CLYBL: variants seen among roughly 807,000 people sequenced by gnomAD.
CLYBL encodes the protein citramalyl-CoA lyase, mitochondrial.
A neutral mutation model predicts 38.9 loss-of-function variants in CLYBL; 31 were observed. The observed-to-expected ratio is 0.80, with a 90% CI of 0.60 to 1.08. The LOEUF (loss-of-function observed/expected upper bound fraction) is 1.08, where lower values mean the gene tolerates loss of function less well. Among genes scored for constraint, CLYBL ranks in the 50% least tolerant of loss-of-function variants. CLYBL has a pLI of 0.00. For missense variants in CLYBL, 434 were observed against 411.6 expected (o/e 1.05, Z -0.47); for synonymous variants, 171 against 158.6 (o/e 1.08, Z -0.59).
chr13:99,678,260 G>C lies in CLYBL; in HGVS notation c.62+71503G>C, dbSNP rs1196338152. Among the ~76,000 whole-genome samples, 4 of 152,280 alleles carry C rather than the reference G, an allele frequency of 2.6e-5. 1 individual carries two copies. Among genetic ancestry groups the C allele is most frequent in the Admixed American group, 2.6e-4 (4 of 15,298 alleles). ...GCACTGCGGCAGAGTTGTGTTACAG[G>C]GTGTTATTTACAGCTGCCAAATGCT... is the stretch of plus-strand genomic sequence containing the variant. On this transcript the variant is annotated intron_variant, in intron 1 of 8. Coordinates refer to ENST00000339105, the MANE Select transcript of CLYBL (RefSeq NM_206808.5).
At chr13:99,659,986 A>T (rs922261142) in intron 1 of CLYBL, among the ~76,000 whole-genome samples, 1 of 152,158 alleles carries the variant, frequency 6.6e-6, no homozygotes, top group East Asian at 1.9e-4. Context: ...ACGCATTTTT[A>T]AAAAAACTTC....
chr13:99,657,695 AT>A (rs2047348627), intron 1 of CLYBL, among the ~76,000 whole-genome samples: 1 of 151,904 alleles, frequency 6.6e-6, no homozygotes, highest in African/African-American at 2.4e-5. Flanking sequence ...TTGATTCTGA[AT>A]TTTTTTTCTT....
intron 1 of CLYBL, among the ~76,000 whole-genome samples, chr13:99,667,377 T>C (rs1384707161): frequency 6.6e-6 from 1 of 150,452 alleles, no homozygotes; most frequent in Non-Finnish European, 1.5e-5. Context: ...CCCACCCACA[T>C]ACACATAGGG....
At position 99,891,358 on chromosome 13, in the gene CLYBL, T is replaced by C. The variant is rs1309087120; in HGVS notation, c.968T>C (p.Leu323Ser). Residue 323 changes from leucine (L) to serine (S), a missense_variant, in exon 8 of 9, where the codon TTA becomes TCA. By Grantham distance (145) the Leu-to-Ser change is moderately radical. Coordinates refer to ENST00000339105, the MANE Select transcript of CLYBL (RefSeq NM_206808.5). ...TFQGSMIDMP[L>S]LKQAQNTVTL... Reference sequence around the variant, plus strand: ...CAAGGGAGTATGATCGACATGCCATTACTGAAGCAGGCCCAGAACACTGTT... The same window carrying C: ...CAAGGGAGTATGATCGACATGCCATCACTGAAGCAGGCCCAGAACACTGTT... The C allele has an allele frequency of 5.0e-6, 8 of 1,613,978 alleles. No homozygotes were observed. Among genetic ancestry groups the C allele is most frequent in the Non-Finnish European group, 5.1e-6 (6 of 1,179,886 alleles).
At chr13:99,658,426 TCCAGGAGGGA>T (rs1323240625) in intron 1 of CLYBL, among the ~76,000 whole-genome samples, 1 of 152,194 alleles carries the variant, frequency 6.6e-6, no homozygotes, top group African/African-American at 2.4e-5. Context: ...GCCTCCCACT[TCCAGGAGGGA>T]CCAGGAGGGA....
chr13:99,783,179 A>T (rs1240537172), intron 2 of CLYBL, among the ~76,000 whole-genome samples: 1 of 151,508 alleles, frequency 6.6e-6, no homozygotes, highest in South Asian at 2.1e-4. Flanking sequence ...AGTAGCTGGG[A>T]TTATAAGCAT....
At chr13:99,674,903 G>C (rs978086484) in intron 1 of CLYBL, among the ~76,000 whole-genome samples, 13 of 152,174 alleles carry the variant, frequency 8.5e-5, no homozygotes, top group Non-Finnish European at 1.9e-4. Flanking sequence ...ATGCAATGGT[G>C]CTTGTCTATA....
chr13:99,798,347 G>A (rs1342429843), intron 2 of CLYBL, among the ~76,000 whole-genome samples: 3 of 152,126 alleles, frequency 2.0e-5, no homozygotes, highest in Non-Finnish European at 2.9e-5. Context: ...GTTTGGGCTC[G>A]TTCCCCCTCC....
At chr13:99,692,286 G>GTTTTTTTTTTT (rs71215539) in intron 1 of CLYBL, among the ~76,000 whole-genome samples, 2 of 115,880 alleles carry the variant, frequency 1.7e-5, no homozygotes, top group Non-Finnish European at 3.5e-5. Context: ...TGTTTTTTTT[G>GTTTTTTTTTTT]TTTTTTTTTT....
At chr13:99,610,938 A>G (rs1427586620) in intron 1 of CLYBL, among the ~76,000 whole-genome samples, 1 of 152,212 alleles carries the variant, frequency 6.6e-6, no homozygotes, top group Non-Finnish European at 1.5e-5. Context: ...TACTGTTCCC[A>G]CTGTGCAAGC....
intron 1 of CLYBL, among the ~76,000 whole-genome samples, chr13:99,713,842 C>A (rs1594134233): frequency 6.6e-6 from 1 of 150,918 alleles, no homozygotes; most frequent in Middle Eastern, 3.5e-3. Flanking sequence ...AGACAGTATA[C>A]CTGGCTAATT....
At chr13:99,619,509 A>C (rs2046763119) in intron 1 of CLYBL, among the ~76,000 whole-genome samples, 1 of 152,258 alleles carries the variant, frequency 6.6e-6, no homozygotes, top group Admixed American at 6.5e-5. Flanking sequence ...TTTAGTTCAT[A>C]TTAAGATAGA....
At chr13:99,728,280 C>CTTTTTT (rs55834602) in intron 1 of CLYBL, among the ~76,000 whole-genome samples, 2 of 107,642 alleles carry the variant, frequency 1.9e-5, no homozygotes, top group Admixed American at 1.0e-4. Context: ...CTTTTCTTTT[C>CTTTTTT]TTTTTTTTTT....
intron 1 of CLYBL, among the ~76,000 whole-genome samples, chr13:99,673,928 G>A (rs1171836693): frequency 2.6e-5 from 4 of 152,118 alleles, no homozygotes; most frequent in Non-Finnish European, 4.4e-5. Flanking sequence ...CTGGTGGGTT[G>A]AGTGTTTCTC....
chr13:99,898,964 T>C (rs946179869), downstream of CLYBL, among the ~76,000 whole-genome samples: 2 of 152,174 alleles, frequency 1.3e-5, no homozygotes, highest in Admixed American at 1.3e-4. Context: ...TTGTGGAAAA[T>C]GTATTCATTA....
At chr13:99,727,052 G>C (rs535828889) in intron 1 of CLYBL, among the ~76,000 whole-genome samples, 1 of 151,954 alleles carries the variant, frequency 6.6e-6, no homozygotes, top group Non-Finnish European at 1.5e-5. Context: ...CCAACTACTC[G>C]GGAGGCTGAG....
chr13:99,841,366 A>C (rs7994234), intron 2 of CLYBL, among the ~76,000 whole-genome samples: 72,222 of 151,960 alleles, frequency 0.48, 17,321 homozygotes, highest in Middle Eastern at 0.53. Flanking sequence ...AATGAAAGAC[A>C]GATTAACAGG....
chr13:99,608,216 G>A (rs575534043), intron 1 of CLYBL, among the ~76,000 whole-genome samples: 9 of 151,866 alleles, frequency 5.9e-5, no homozygotes, highest in Non-Finnish European at 1.3e-4. Flanking sequence ...GGATTACAGG[G>A]CGTCCGCCAC....
intron 1 of CLYBL, among the ~76,000 whole-genome samples, chr13:99,768,192 C>CTTTTTTTTTTTTTTT (rs58499426): frequency 9.7e-6 from 1 of 102,672 alleles, no homozygotes; most frequent in Non-Finnish European, 1.8e-5. Flanking sequence ...TTTTCTTTTT[C>CTTTTTTTTTTTTTTT]TTTTTTTTTT....
Sources: allele counts gnomAD v4.1 joint callset (sites outside exome capture counted in the v4.1 genomes callset), GRCh38; gene constraint gnomAD v4.1.1; transcripts MANE v1.5; gene names NCBI Gene and HGNC (gene_info 2026-07-23, HGNC 2026-07-21).